SPOCK1: variants seen among roughly 807,000 people sequenced by gnomAD.
SPOCK1 encodes the protein testican-1.
Under a neutral mutation model 55.3 loss-of-function variants are expected in SPOCK1, and 23 were observed. The observed-to-expected ratio is 0.42, with a 90% CI of 0.30 to 0.59. The LOEUF is 0.59. SPOCK1 is among the 20% of genes least tolerant of loss of function. The pLI is 0.22. For missense variants in SPOCK1, 499 were observed against 552.5 expected, an observed-to-expected ratio of 0.90 and a Z score of 0.97; for synonymous variants, 226 against 221.0, an observed-to-expected ratio of 1.02 and a Z score of -0.20.
intron 6 of SPOCK1, among the ~76,000 whole-genome samples, chr5:137,001,290 G>C (rs1455532153): frequency 6.6e-6 from 1 of 152,208 alleles, no homozygotes; most frequent in Non-Finnish European, 1.5e-5. Flanking sequence ...TGTGGACACA[G>C]AGCAGCATGG....
chr5:137,381,761 TG>T (rs1751475059), intron 2 of SPOCK1, among the ~76,000 whole-genome samples: 1 of 152,232 alleles, frequency 6.6e-6, no homozygotes, highest in South Asian at 2.1e-4. Context: ...CCTTGGCCTC[TG>T]GGCCTGTAAT....
chr5:137,052,168 A>G lies in SPOCK1; in HGVS notation c.589+15547T>C, dbSNP rs2189598. Among the ~76,000 whole-genome samples, 961 of 152,330 alleles carry G rather than the reference A, an allele frequency of 6.3e-3. 10 individuals carry two copies. The highest frequency in any genetic ancestry group is 0.022 in the African/African-American group (901 of 41,568). ...ATGAGGCAGACTTGTTTGAGCAACA[A>G]GAGTGGAGCCTGGTTCCCTTATGAT... On this transcript the variant is annotated intron_variant, in intron 6 of 10. Transcript: ENST00000394945.
At chr5:137,066,265 A>G (rs1752503393) in intron 6 of SPOCK1, among the ~76,000 whole-genome samples, 1 of 152,276 alleles carries the variant, frequency 6.6e-6, no homozygotes, top group South Asian at 2.1e-4. Flanking sequence ...CAGCCCCCTG[A>G]GTAGCTGGGA....
chr5:137,498,524 G>C lies in SPOCK1; in HGVS notation c.35C>G (p.Ala12Gly). The change falls in exon 2 of 11, where the codon GCG (alanine) becomes GGG (glycine). Residue 12 changes from alanine (A) to glycine (G), a missense_variant. Around this residue, in one of 3 missense-constraint regions of SPOCK1, gnomAD observed 386 missense variants for 400.6 expected, o/e 0.96. Coordinates refer to ENST00000394945, the MANE Select transcript of SPOCK1 (RefSeq NM_004598.4). ...PAIAVLAAAAAAWCFLQVESR... is the reference protein window; with the variant it reads ...PAIAVLAAAAGAWCFLQVESR... ...CTCGACTTGGAGGAAGCACCACGCC[G>C]CGGCGGCCGCCGCCAACACCGCGAT... 6.5e-7 allele frequency: 1 copy of C among 1,547,754 alleles called. No individual in the cohort carries two copies. Among genetic ancestry groups the C allele is most frequent in the Non-Finnish European group, 8.7e-7 (1 of 1,154,004 alleles).
chr5:137,159,665 C>T (rs1425364276), intron 3 of SPOCK1, among the ~76,000 whole-genome samples: 2 of 152,120 alleles, frequency 1.3e-5, no homozygotes, highest in Non-Finnish European at 2.9e-5. Context: ...GCAAAAGGCA[C>T]AATTTTATTC....
At chr5:137,033,787 G>A (rs569214750) in intron 6 of SPOCK1, among the ~76,000 whole-genome samples, 15 of 152,202 alleles carry the variant, frequency 9.9e-5, no homozygotes, top group African/African-American at 3.6e-4. Flanking sequence ...ATTTTTTGTA[G>A]AGATGAGGGT....
chr5:137,116,417 G>T (rs1212461996), intron 4 of SPOCK1, among the ~76,000 whole-genome samples: 1 of 152,118 alleles, frequency 6.6e-6, no homozygotes, highest in African/African-American at 2.4e-5. Context: ...GGCTGAGGCG[G>T]GTGGATCACC....
At chr5:137,265,358 G>T (rs115965068) in intron 3 of SPOCK1, among the ~76,000 whole-genome samples, 1 of 152,122 alleles carries the variant, frequency 6.6e-6, no homozygotes, top group Non-Finnish European at 1.5e-5. Flanking sequence ...TATAGCACAA[G>T]AACCTATTTC....
intron 2 of SPOCK1, among the ~76,000 whole-genome samples, chr5:137,468,511 T>C (rs1454522625): frequency 6.6e-6 from 1 of 152,248 alleles, no homozygotes; most frequent in African/African-American, 2.4e-5. Context: ...TTGCTCATTA[T>C]AGCCACATTA....
intron 2 of SPOCK1, among the ~76,000 whole-genome samples, chr5:137,375,889 G>C (rs543913008): frequency 1.2e-4 from 18 of 152,308 alleles, no homozygotes; most frequent in African/African-American, 4.3e-4. Flanking sequence ...ATTCTCAGAA[G>C]ATGTGTCTGC....
At chr5:136,980,960 G>C (rs1225615049) in intron 9 of SPOCK1, among the ~76,000 whole-genome samples, 1 of 151,996 alleles carries the variant, frequency 6.6e-6, no homozygotes, top group Non-Finnish European at 1.5e-5. Context: ...TGATTTACCT[G>C]GGTCTTCTGT....
At chr5:137,249,892 T>G (rs1756473991) in intron 3 of SPOCK1, among the ~76,000 whole-genome samples, 1 of 152,178 alleles carries the variant, frequency 6.6e-6, no homozygotes, top group Admixed American at 6.5e-5. Context: ...GACAATCAGC[T>G]ACTCTTCTTA....
rs533128228 is a variant in SPOCK1 at position 137,434,753 on chromosome 5, G to A, written c.186+63620C>T. On this transcript the variant is annotated intron_variant, in intron 2 of 10. Transcript: ENST00000394945. ...CCTGACCTCGTGATCTGCCCGCCTC[G>A]GCCTCCCAAAGTGCTGGGATTACAG... 5.3e-5 allele frequency among the ~76,000 whole-genome samples: 8 copies of A among 151,162 alleles called. No individual in the cohort carries two copies. The South Asian group carries it at 1.7e-3, about 32-fold the overall frequency.
At chr5:137,275,459 GT>G (rs1757048081) in intron 2 of SPOCK1, among the ~76,000 whole-genome samples, 1 of 152,226 alleles carries the variant, frequency 6.6e-6, no homozygotes, top group Admixed American at 6.5e-5. Context: ...TGGGGATGCT[GT>G]GGGGCTTTTC....
intron 3 of SPOCK1, among the ~76,000 whole-genome samples, chr5:137,155,821 A>G (rs573687246): frequency 5.3e-5 from 8 of 152,322 alleles, no homozygotes. Context: ...GGCTGTGTCC[A>G]ATCAACAAGG....
intron 3 of SPOCK1, among the ~76,000 whole-genome samples, chr5:137,242,991 G>T (rs1240709401): frequency 7.7e-6 from 1 of 130,006 alleles, no homozygotes; most frequent in Non-Finnish European, 1.8e-5. Flanking sequence ...AGCACAAAGA[G>T]ACTTTTTACT....
chr5:137,414,277 A>G (rs1157709224), intron 2 of SPOCK1, among the ~76,000 whole-genome samples: 1 of 152,230 alleles, frequency 6.6e-6, no homozygotes, highest in African/African-American at 2.4e-5. Context: ...TGAGCAGGCC[A>G]GTATTTCTGA....
intron 2 of SPOCK1, among the ~76,000 whole-genome samples, chr5:137,434,601 G>A (rs1016504952): frequency 1.5e-5 from 2 of 135,922 alleles, no homozygotes; most frequent in South Asian, 2.5e-4. Context: ...CTGGGTTCAC[G>A]TCATTCTCCT....
At chr5:137,485,052 A>G (rs1246915779) in intron 2 of SPOCK1, among the ~76,000 whole-genome samples, 2 of 152,210 alleles carry the variant, frequency 1.3e-5, no homozygotes, top group East Asian at 3.8e-4. Flanking sequence ...ATCCTTCCCA[A>G]AAAGTGTTCA....
Sources: gnomAD v4.1 joint callset for allele counts (sites outside exome capture counted in the v4.1 genomes callset) on GRCh38, gnomAD v4.1.1 for gene constraint, gnomAD v4.1.1 regional missense constraint, MANE v1.5 for transcripts, NCBI Gene and HGNC (gene_info 2026-07-23, HGNC 2026-07-21) for gene names.